Variants in PPFIA2 observed in about 807,000 individuals in gnomAD.
PPFIA2 encodes the protein liprin-alpha-2.
A neutral mutation model predicts 175.5 loss-of-function variants in PPFIA2; 46 were observed. The ratio of observed to expected loss-of-function variants is 0.26; its 90% CI spans 0.21 to 0.34. The LOEUF (loss-of-function observed/expected upper bound fraction) is 0.34, where lower values mean the gene tolerates loss of function less well. Among genes scored for constraint, PPFIA2 ranks in the 10% least tolerant of loss-of-function variants. The probability of loss-of-function intolerance (pLI) is 1.00; values close to 1 mark genes in which losing one functional copy is unlikely to be tolerated. For synonymous variants in PPFIA2, 568 were observed against 511.4 expected (o/e 1.11, Z -1.49); for missense variants, 1,179 against 1,506.1 (o/e 0.78, Z 3.60).
intron 4 of PPFIA2, among the ~76,000 whole-genome samples, chr12:81,504,932 G>A (rs923983282): frequency 3.9e-5 from 6 of 152,084 alleles, no homozygotes; most frequent in Non-Finnish European, 7.3e-5. Flanking sequence ...CTCATAAGTG[G>A]GAGTTGAACA....
chr12:81,559,311 T>C (rs1043278120), intron 4 of PPFIA2, among the ~76,000 whole-genome samples: 1 of 152,218 alleles, frequency 6.6e-6, no homozygotes, highest in Non-Finnish European at 1.5e-5. Flanking sequence ...TGCATGTGCA[T>C]GCACGTGCAT....
At chr12:81,535,534 C>CAAT in intron 4 of PPFIA2, 1 of 448,710 alleles carries the variant, frequency 2.2e-6, no homozygotes, top group Middle Eastern at 3.3e-4. Context: ...ACATCTAACT[C>CAAT]AATAACACAA....
chr12:81,581,698 A>G (rs1004748156), intron 4 of PPFIA2, among the ~76,000 whole-genome samples: 2 of 149,352 alleles, frequency 1.3e-5, no homozygotes, highest in Non-Finnish European at 3.0e-5. Context: ...TTTGTACATA[A>G]TAGTCACGTG....
chr12:81,517,461 T>C (rs2062602007), intron 4 of PPFIA2, among the ~76,000 whole-genome samples: 1 of 152,242 alleles, frequency 6.6e-6, no homozygotes, highest in Middle Eastern at 3.4e-3. Context: ...CTTCTCAAGA[T>C]CCTCAAAGTT....
intron 24 of PPFIA2, among the ~76,000 whole-genome samples, chr12:81,291,246 C>A (rs2044886140): frequency 6.6e-6 from 1 of 151,792 alleles, no homozygotes; most frequent in African/African-American, 2.4e-5. Flanking sequence ...TGTATTAGTT[C>A]AATAAACATA....
chr12:81,292,839 A>G (rs1012291076), intron 24 of PPFIA2: 6 of 152,080 alleles, frequency 3.9e-5, no homozygotes, highest in Non-Finnish European at 7.4e-5. Flanking sequence ...AGTGAAAAAC[A>G]TTTGTGTCTA....
At chr12:81,450,471 T>G (rs966876910) in intron 5 of PPFIA2, among the ~76,000 whole-genome samples, 6 of 152,230 alleles carry the variant, frequency 3.9e-5, no homozygotes, top group Non-Finnish European at 1.5e-5. Flanking sequence ...CTTCGCCCAC[T>G]TTTTGATAGG....
chr12:81,451,514 A>G (rs1405574211), intron 5 of PPFIA2, among the ~76,000 whole-genome samples: 1 of 152,118 alleles, frequency 6.6e-6, no homozygotes, highest in East Asian at 1.9e-4. Flanking sequence ...GGTCCTAGAG[A>G]CTGTCTGAAA....
At chr12:81,709,422 C>A (rs1183124887) in intron 3 of PPFIA2, among the ~76,000 whole-genome samples, 1 of 151,966 alleles carries the variant, frequency 6.6e-6, no homozygotes, top group African/African-American at 2.4e-5. Context: ...GGAAACTACA[C>A]TCCATGAGAG....
intron 3 of PPFIA2, among the ~76,000 whole-genome samples, chr12:81,696,912 A>C (rs926113697): frequency 2.0e-5 from 3 of 152,024 alleles, no homozygotes; most frequent in Non-Finnish European, 4.4e-5. Context: ...TTGAAAAGAA[A>C]TAGAGTCCTA....
intron 5 of PPFIA2, among the ~76,000 whole-genome samples, chr12:81,450,171 G>A (rs1223578783): frequency 6.6e-6 from 1 of 152,054 alleles, no homozygotes; most frequent in African/African-American, 2.4e-5. Context: ...GGGATGGCTG[G>A]GTCAAATGGT....
intron 7 of PPFIA2, among the ~76,000 whole-genome samples, chr12:81,420,450 G>GA (rs892205934): frequency 6.6e-6 from 1 of 151,590 alleles, no homozygotes; most frequent in Non-Finnish European, 1.5e-5. Flanking sequence ...AACAATACAT[G>GA]AAAAAAATAA....
chr12:81,719,935 G>T (rs1329076333), intron 3 of PPFIA2, among the ~76,000 whole-genome samples: 1 of 151,266 alleles, frequency 6.6e-6, no homozygotes, highest in African/African-American at 2.4e-5. Context: ...TACAGTTAAA[G>T]AGTTATGTTT....
intron 4 of PPFIA2, among the ~76,000 whole-genome samples, chr12:81,618,589 C>T (rs569966578): frequency 6.5e-5 from 9 of 138,826 alleles, no homozygotes; most frequent in Admixed American, 1.6e-4. Flanking sequence ...AGTGCAGTGG[C>T]GCGACCTCGG....
At chr12:81,598,105 T>C (rs577214758) in intron 4 of PPFIA2, 2 of 1,530,346 alleles carry the variant, frequency 1.3e-6, no homozygotes, top group Non-Finnish European at 1.7e-6. Flanking sequence ...TACAGATAAA[T>C]CCGTGCATGC....
chr12:81,367,232 T>G, intron 13 of PPFIA2, 62 bp from the exon 14 acceptor site: 2 of 1,053,054 alleles, frequency 1.9e-6, no homozygotes, highest in Non-Finnish European at 2.5e-6. Context: ...TAAAAATATA[T>G]TGATTAATAT....
At chr12:81,676,656 T>C (rs2072566431) in intron 4 of PPFIA2, 135 bp downstream of exon 4, 1 of 514,286 alleles carries the variant, frequency 1.9e-6, no homozygotes, top group African/African-American at 2.0e-5. Context: ...ATACTTCTGT[T>C]ATTAGTTTCT....
chr12:81,608,882 T>C (rs992871212), intron 4 of PPFIA2, among the ~76,000 whole-genome samples: 1 of 152,032 alleles, frequency 6.6e-6, no homozygotes, highest in Non-Finnish European at 1.5e-5. Flanking sequence ...AGTGCAAAGT[T>C]AGAGTGCTAA....
chr12:81,374,380 T>C (rs1422244907), intron 11 of PPFIA2, among the ~76,000 whole-genome samples: 1 of 152,148 alleles, frequency 6.6e-6, no homozygotes, highest in East Asian at 1.9e-4. Flanking sequence ...GAAAATTAAC[T>C]ATAACAATGA....
Sources: allele counts gnomAD v4.1 joint callset (sites outside exome capture counted in the v4.1 genomes callset), GRCh38; gene constraint gnomAD v4.1.1; transcripts MANE v1.5; gene names NCBI Gene and HGNC (gene_info 2026-07-23, HGNC 2026-07-21).